PLCE1: variants seen among roughly 807,000 people sequenced by gnomAD.
PLCE1 encodes the protein 1-phosphatidylinositol 4,5-bisphosphate phosphodiesterase epsilon-1.
PLCE1 carries 119 observed loss-of-function variants against 242.8 expected under a neutral mutation model. The observed-to-expected ratio is 0.49, with a 90% CI of 0.42 to 0.57. The LOEUF (loss-of-function observed/expected upper bound fraction) is 0.57. Ranked by LOEUF, PLCE1 falls within the 20% of genes least tolerant of loss-of-function variation. The probability of loss-of-function intolerance (pLI) is 0.00; values close to 1 mark genes in which losing one functional copy is unlikely to be tolerated. For synonymous variants in PLCE1, 945 were observed against 1,017.4 expected (o/e 0.93, Z 1.35); for missense variants, 2,441 against 2,788.8 (o/e 0.88, Z 2.81).
intron 4 of PLCE1, among the ~76,000 whole-genome samples, chr10:94,192,598 T>G (rs2048702528): frequency 6.6e-6 from 1 of 152,230 alleles, no homozygotes. Context: ...GCACCTAGCT[T>G]GATTCCATGT....
At chr10:94,144,093 T>G (rs2047047052) in intron 3 of PLCE1, among the ~76,000 whole-genome samples, 1 of 152,170 alleles carries the variant, frequency 6.6e-6, no homozygotes, top group Non-Finnish European at 1.5e-5. Flanking sequence ...TATAACAAGT[T>G]TCAGAGACCC....
chr10:94,113,664 G>T (rs2046024751), intron 2 of PLCE1, among the ~76,000 whole-genome samples: 1 of 152,088 alleles, frequency 6.6e-6, no homozygotes, highest in Non-Finnish European at 1.5e-5. Context: ...ACTGCCCTAA[G>T]GTCATATAGC....
At chr10:94,112,993 G>C (rs550917243) in intron 2 of PLCE1, among the ~76,000 whole-genome samples, 6 of 152,158 alleles carry the variant, frequency 3.9e-5, no homozygotes, top group Non-Finnish European at 8.8e-5. Flanking sequence ...TGAATGCTGA[G>C]TTAAAGAAGA....
chr10:94,206,086 C>T (rs868693151), intron 4 of PLCE1, among the ~76,000 whole-genome samples: 1 of 152,038 alleles, frequency 6.6e-6, no homozygotes, highest in Non-Finnish European at 1.5e-5. Context: ...TAAAGCAAGG[C>T]AGAGGGATGG....
In PLCE1 at chr10:94,079,687, G is replaced by A. The variant is rs550486470; in HGVS notation, c.1206+47435G>A. Reference sequence around the variant, plus strand: ...GCAGAGCCAGTTCAAGAACCCTCAGGAAAAATTCTTGCCCTAAGCCAACTG... The same window carrying A: ...GCAGAGCCAGTTCAAGAACCCTCAGAAAAAATTCTTGCCCTAAGCCAACTG... On this transcript the variant is annotated intron_variant, in intron 2 of 32. Transcript: ENST00000371380. 3.9e-4 allele frequency among the ~76,000 whole-genome samples: 59 copies of A among 152,252 alleles called. 1 individual carries two copies. Among genetic ancestry groups the A allele is most frequent in the Admixed American group, 3.4e-3 (52 of 15,302 alleles).
intron 3 of PLCE1, among the ~76,000 whole-genome samples, chr10:94,166,720 C>T (rs1356980171): frequency 6.6e-6 from 1 of 152,058 alleles, no homozygotes; most frequent in African/African-American, 2.4e-5. Flanking sequence ...CTCTCAATAG[C>T]AGCTTGTCTT....
chr10:94,164,744 G>GT (rs1213346602), intron 3 of PLCE1, among the ~76,000 whole-genome samples: 4 of 152,232 alleles, frequency 2.6e-5, no homozygotes, highest in African/African-American at 4.8e-5. Context: ...TTGTTGTTCT[G>GT]TTTTTTTCCC....
intron 3 of PLCE1, among the ~76,000 whole-genome samples, chr10:94,166,316 GA>G (rs2047800365): frequency 6.6e-6 from 1 of 152,252 alleles, no homozygotes; most frequent in Non-Finnish European, 1.5e-5. Flanking sequence ...CTAGTACAAA[GA>G]ATACACGTTT....
intron 2 of PLCE1, among the ~76,000 whole-genome samples, chr10:94,037,793 A>T (rs1302754968): frequency 1.3e-5 from 2 of 152,186 alleles, no homozygotes; most frequent in Non-Finnish European, 2.9e-5. Context: ...CTCTGTAGTT[A>T]TACCAGCCCT....
At chr10:94,251,551 C>T (rs1442630093) in intron 8 of PLCE1, among the ~76,000 whole-genome samples, 2 of 152,144 alleles carry the variant, frequency 1.3e-5, no homozygotes, top group African/African-American at 2.4e-5. Context: ...TCATAGGCAA[C>T]TTTTTGTGGT....
At chr10:94,239,649 C>G (rs1012679914) in intron 7 of PLCE1, among the ~76,000 whole-genome samples, 2 of 152,198 alleles carry the variant, frequency 1.3e-5, no homozygotes, top group Non-Finnish European at 2.9e-5. Context: ...CAGTCATCCT[C>G]CTCTCCCTTA....
intron 4 of PLCE1, 65 bp from the exon 5 acceptor site, chr10:94,227,241 T>G (rs2137175931): frequency 6.7e-7 from 1 of 1,498,190 alleles, no homozygotes; most frequent in African/African-American, 1.4e-5. Context: ...AAGAATGCTT[T>G]TGGAAAAAAA....
intron 2 of PLCE1, chr10:94,106,961 C>A (rs954687715): frequency 2.9e-5 from 1 of 34,070 alleles, no homozygotes; most frequent in African/African-American, 7.6e-5. Flanking sequence ...CCCTCCCCCC[C>A]CCAACACCCT....
intron 14 of PLCE1, among the ~76,000 whole-genome samples, chr10:94,263,199 C>A (rs149446047): frequency 1.2e-3 from 179 of 151,828 alleles, no homozygotes; most frequent in Middle Eastern, 0.01. Flanking sequence ...TAACAAAATA[C>A]CAAGTATGTT....
intron 2 of PLCE1, among the ~76,000 whole-genome samples, chr10:94,117,824 G>A (rs1179548713): frequency 6.6e-6 from 1 of 152,210 alleles, no homozygotes; most frequent in African/African-American, 2.4e-5. Context: ...CCCACAAAGT[G>A]AAGGACAACA....
intron 4 of PLCE1, among the ~76,000 whole-genome samples, chr10:94,186,416 A>G (rs1023279480): frequency 6.6e-6 from 1 of 152,230 alleles, no homozygotes; most frequent in African/African-American, 2.4e-5. Flanking sequence ...ATAGTATTTT[A>G]TATTTAAGTC....
chr10:94,131,518 C>T (rs1174671531), intron 2 of PLCE1, among the ~76,000 whole-genome samples: 3 of 152,026 alleles, frequency 2.0e-5, no homozygotes, highest in Admixed American at 6.5e-5. Context: ...TTGGTGAATT[C>T]GGGTGATAAA....
chr10:94,256,323 C>CAAAAAAAAAAAAAAAAAAAAAAA (rs1316929334), intron 11 of PLCE1, among the ~76,000 whole-genome samples: 1 of 56,260 alleles, frequency 1.8e-5, no homozygotes, highest in Middle Eastern at 8.3e-3. Context: ...GAGCTTGTCT[C>CAAAAAAAAAAAAAAAAAAAAAAA]AAAAAAAAAA....
chr10:94,122,054 C>T (rs916046053), intron 2 of PLCE1, among the ~76,000 whole-genome samples: 2 of 152,206 alleles, frequency 1.3e-5, no homozygotes, highest in African/African-American at 4.8e-5. Context: ...TGGTCCCCTC[C>T]ACCTGTTGGG....
Sources: allele counts gnomAD v4.1 joint callset (sites outside exome capture counted in the v4.1 genomes callset), GRCh38; gene constraint gnomAD v4.1.1; transcripts MANE v1.5; gene names NCBI Gene and HGNC (gene_info 2026-07-23, HGNC 2026-07-21).